Variants in GLS observed in about 807,000 individuals in gnomAD.
GLS encodes the protein glutaminase.
A neutral mutation model predicts 86.7 loss-of-function variants in GLS; 36 were observed. That is an observed-to-expected ratio of 0.42 (90% CI 0.32 to 0.55). GLS has a LOEUF of 0.55. Ranked by LOEUF, GLS falls within the 20% of genes least tolerant of loss-of-function variation. GLS has a pLI of 0.17. For synonymous variants in GLS, 317 were observed against 305.9 expected, an observed-to-expected ratio of 1.04 and a Z score of -0.38; for missense variants, 528 against 833.4, an observed-to-expected ratio of 0.63 and a Z score of 4.51.
rs914032712 is a variant in GLS, at chr2:190,920,926, G to T, written c.1039-98G>T. On this transcript the variant is annotated intron_variant, in intron 7 of 17. Coordinates refer to ENST00000320717, the MANE Select transcript of GLS (RefSeq NM_014905.5). This position sits in a 1 kb window ranked among gnomAD's most constrained non-coding sequence, Gnocchi z 4.2. The stretch of plus-strand genomic sequence containing the variant: ...TCCTAGATTTAAAAATACTAATGCA[G>T]TATATTATAATAGTAGCTTTGAAAT... 5.0e-5 allele frequency: 33 copies of T among 660,582 alleles called. 1 individual carries two copies. The African/African-American group carries it at 5.5e-4, about 11-fold the overall frequency. The allele number at this position is 660,582 out of a possible 1,614,324, so 40.9% of individuals were successfully genotyped here.
chr2:190,935,531 G>C lies in GLS; in HGVS notation c.1650+3894G>C, dbSNP rs1172694931. ...TTTTGGGAGGAGGACTTTTCTTATTGGTTGTACTAGAAGTATTTGAATAAA... is the reference window on the plus strand; with the variant it reads ...TTTTGGGAGGAGGACTTTTCTTATTCGTTGTACTAGAAGTATTTGAATAAA... On this transcript the variant is annotated intron_variant, in intron 14 of 17. Transcript: ENST00000320717. The surrounding 1 kb of genome is among the most constrained non-coding windows in gnomAD (Gnocchi z 4.2). Among the ~76,000 whole-genome samples the C allele has an allele frequency of 6.6e-6, 1 of 150,952 alleles. No individual in the cohort carries two copies. The highest frequency in any genetic ancestry group is 1.5e-5 in the Non-Finnish European group (1 of 67,228).
In GLS at chr2:190,941,724, A is replaced by G. The variant is rs949962187; in HGVS notation, c.1650+10087A>G. ...AGGAAGGAGTTTAGCACATTTGAGA[A>G]GGGGAAAGAAGAAGGCAAATGCGCT... is the stretch of plus-strand genomic sequence containing the variant. On this transcript the variant is annotated intron_variant, in intron 14 of 17. Transcript: ENST00000320717. Among the ~76,000 whole-genome samples, 5 of 21,734 alleles carry G rather than the reference A, an allele frequency of 2.3e-4. 1 individual carries two copies. In the Admixed American group the frequency reaches 2.9e-3, roughly 13 times the overall value. 14.3% of individuals were successfully genotyped at this position (21,734 alleles called of 152,430 possible).
Position 190,962,987 on chromosome 2 carries a change from T to C in GLS, c.*1T>C. The stretch of plus-strand genomic sequence containing the variant: ...TAAGAATCTTGATGGATTGTTGTAA[T>C]GGTCTCAAATCCCAAGATTTAAATC... On this transcript the variant is annotated 3_prime_UTR_variant, in exon 18 of 18. Coordinates refer to ENST00000320717, the MANE Select transcript of GLS (RefSeq NM_014905.5). The surrounding 1 kb of genome is among the most constrained non-coding windows in gnomAD (Gnocchi z 4.2). 1 of 1,583,642 alleles carries C rather than the reference T, an allele frequency of 6.3e-7. No homozygotes were observed. Among genetic ancestry groups the C allele is most frequent in the South Asian group, 1.2e-5 (1 of 85,754 alleles).
intron 7 of GLS, among the ~76,000 whole-genome samples, chr2:190,915,115 C>T (rs989172621): frequency 1.3e-5 from 2 of 151,136 alleles, no homozygotes; most frequent in Non-Finnish European, 2.9e-5. Flanking sequence ...CTCAGCCTCC[C>T]GAGTAGCTGG....
intron 7 of GLS, among the ~76,000 whole-genome samples, chr2:190,918,370 C>T (rs1689614090): frequency 6.6e-6 from 1 of 152,150 alleles, no homozygotes; most frequent in South Asian, 2.1e-4. Flanking sequence ...TTCCTTAAAC[C>T]TCATGAATCA....
chr2:190,892,495 C>A (rs1408839729), intron 1 of GLS, among the ~76,000 whole-genome samples: 1 of 152,114 alleles, frequency 6.6e-6, no homozygotes, highest in African/African-American at 2.4e-5. Flanking sequence ...TTAAATACTT[C>A]TCTCAAGGAT....
intron 6 of GLS, among the ~76,000 whole-genome samples, chr2:190,909,106 T>C (rs1307047705): frequency 6.6e-6 from 1 of 152,188 alleles, no homozygotes; most frequent in African/African-American, 2.4e-5. Context: ...TTGATTGTAA[T>C]AATCAGATAT....
intron 6 of GLS, 147 bp from the exon 7 acceptor site, chr2:190,910,116 C>CTT: frequency 1.9e-6 from 1 of 533,878 alleles, no homozygotes; most frequent in Non-Finnish European, 3.3e-6. Flanking sequence ...TGTGTATGTG[C>CTT]TTGTATATAA....
Position 190,921,232 on chromosome 2 carries a change from G to A in GLS, c.1130+29G>A, listed in dbSNP as rs775123356. ...AGTGTTTTAAATACTGTTTTGTTACGTAAAAACACACAACTGTATTTAGAA... is the reference window on the plus strand; with the variant it reads ...AGTGTTTTAAATACTGTTTTGTTACATAAAAACACACAACTGTATTTAGAA... On this transcript the variant is annotated intron_variant, in intron 9 of 17. Transcript: ENST00000320717. This position sits in a 1 kb window ranked among gnomAD's most constrained non-coding sequence, Gnocchi z 4.2. 25 of 1,373,352 alleles carry A rather than the reference G, an allele frequency of 1.8e-5. No homozygotes were observed. The highest frequency in any genetic ancestry group is 9.2e-5 in the East Asian group (4 of 43,572). 85.1% of individuals were successfully genotyped at this position (1,373,352 alleles called of 1,614,324 possible). A position where few individuals can be genotyped will look rare whatever the true frequency, so the allele number is the denominator to read the frequency against.
In GLS at chr2:190,905,010, T is replaced by C; in HGVS notation, c.822T>C (p.Ser274=). The C allele has an allele frequency of 1.9e-6, 3 of 1,571,852 alleles. No homozygotes were observed. Among genetic ancestry groups the C allele is most frequent in the Non-Finnish European group, 1.7e-6 (2 of 1,143,014 alleles). The part of the protein sequence containing the change: ...SVCTVDGQRH[S]TGDTKVPFCL... Reference sequence around the variant, plus strand: ...AAAATCTCCTTTTAAATAGGCATTCTACTGGAGATACCAAAGTTCCCTTCT... The same window carrying C: ...AAAATCTCCTTTTAAATAGGCATTCCACTGGAGATACCAAAGTTCCCTTCT... Residue 274 remains serine (S), a synonymous_variant, in exon 6 of 18, where the codon TCT becomes TCC. Transcript: ENST00000320717. The surrounding 1 kb of genome is among the most constrained non-coding windows in gnomAD (Gnocchi z 4.6).
In GLS at chr2:190,923,951, T is replaced by C; in HGVS notation, c.1165T>C (p.Phe389Leu). The change falls in exon 10 of 18, where the codon TTT becomes CTT. Residue 389 changes from phenylalanine to leucine, a missense_variant. Coordinates refer to ENST00000320717, the MANE Select transcript of GLS (RefSeq NM_014905.5). Reference protein sequence around the residue: ...QSERESGDRNFAIGYYLKEKK... With the variant: ...QSERESGDRNLAIGYYLKEKK... ...TGAAAGAGAAAGTGGAGATCGAAAT[T>C]TTGCAATAGGATATTACTTAAAAGA... The C allele has an allele frequency of 6.4e-7, 1 of 1,562,362 alleles. No homozygotes were observed. Among genetic ancestry groups the C allele is most frequent in the Non-Finnish European group, 8.8e-7 (1 of 1,140,042 alleles).
Position 190,895,479 on chromosome 2 carries a change from A to G in GLS, c.484-125A>G, listed in dbSNP as rs1162798227. 1.5e-6 allele frequency: 1 copy of G among 649,378 alleles called. No homozygotes were observed. The highest frequency in any genetic ancestry group is 2.6e-6 in the Non-Finnish European group (1 of 385,610). The allele number at this position is 649,378 out of a possible 1,614,324, so 40.2% of individuals were successfully genotyped here. A position where few individuals can be genotyped will look rare whatever the true frequency, so the allele number is the denominator to read the frequency against. On this transcript the variant is annotated intron_variant, in intron 2 of 17. Coordinates refer to ENST00000320717, the MANE Select transcript of GLS (RefSeq NM_014905.5). This position sits in a 1 kb window ranked among gnomAD's most constrained non-coding sequence, Gnocchi z 4.2. Reference sequence around the variant, plus strand: ...GAAAGTGGGTAATAGTGACACTAAGATGCCATATTCATGTTCAAGTGTTGG... The same window carrying G: ...GAAAGTGGGTAATAGTGACACTAAGGTGCCATATTCATGTTCAAGTGTTGG...
Position 190,880,917 on chromosome 2 carries a change from A to AGCAGCAGCAGCAGCAGCACCC in GLS, c.-165_-164insGCAGCAGCAGCAGCACCCGCA. On this transcript the variant is annotated 5_prime_UTR_variant, in exon 1 of 18. Transcript: ENST00000320717. Reference sequence around the variant, plus strand: ...CAGCAGCAGCAGCAGCAGCAGCAGCAGCACCCGCATCCGCTGCGGGAGTCC... The same window carrying AGCAGCAGCAGCAGCAGCACCC: ...CAGCAGCAGCAGCAGCAGCAGCAGCAGCAGCAGCAGCAGCAGCACCCGCACCCGCATCCGCTGCGGGAGTCC... 5.7e-6 allele frequency: 5 copies of AGCAGCAGCAGCAGCAGCACCC among 883,310 alleles called. No individual in the cohort carries two copies. The highest frequency in any genetic ancestry group is 8.6e-6 in the Non-Finnish European group (5 of 584,242). 54.7% of individuals were successfully genotyped at this position (883,310 alleles called of 1,614,324 possible). A position where few individuals can be genotyped will look rare whatever the true frequency, so the allele number is the denominator to read the frequency against.
intron 14 of GLS, among the ~76,000 whole-genome samples, chr2:190,946,791 T>G (rs1007173861): frequency 4.6e-5 from 7 of 152,186 alleles, no homozygotes; most frequent in African/African-American, 1.4e-4. Context: ...AATTGATATT[T>G]AATCCGTTGG....
rs73979308 is a variant in GLS at position 190,952,459 on chromosome 2, C to G, written c.1651-1106C>G. On this transcript the variant is annotated intron_variant, in intron 14 of 17. Transcript: ENST00000320717. ...ATCCTTATTTTCATGGGCCATCTTA[C>G]GGACTAGTTTCTGCAAATTACACTT... 2.8e-3 allele frequency among the ~76,000 whole-genome samples: 429 copies of G among 152,228 alleles called. 2 individuals are homozygous for G. The highest frequency in any genetic ancestry group is 9.5e-3 in the African/African-American group (394 of 41,530).
intron 1 of GLS, among the ~76,000 whole-genome samples, chr2:190,882,901 G>T (rs1303223663): frequency 6.6e-6 from 1 of 152,036 alleles, no homozygotes; most frequent in African/African-American, 2.4e-5. Context: ...ATCTCATCTG[G>T]GACTCACTTT....
chr2:190,928,708 C>G (rs922564777), intron 12 of GLS, among the ~76,000 whole-genome samples: 7 of 136,424 alleles, frequency 5.1e-5, no homozygotes, highest in African/African-American at 1.9e-4. Context: ...GTTTTGTCTC[C>G]TTTTTTTTTT....
Position 190,930,405 on chromosome 2 carries a change from A to G in GLS, c.1426-32A>G. ...TAACATTTCTTATTTTAAAATGTTT[A>G]CCTGAATACTCTTTTACTGAATTAT... On this transcript the variant is annotated intron_variant, in intron 12 of 17. Coordinates refer to ENST00000320717, the MANE Select transcript of GLS (RefSeq NM_014905.5). This position sits in a 1 kb window ranked among gnomAD's most constrained non-coding sequence, Gnocchi z 5.0. The G allele has an allele frequency of 6.6e-7, 1 of 1,518,858 alleles. No homozygotes were observed. The highest frequency in any genetic ancestry group is 1.1e-5 in the South Asian group (1 of 88,666). The allele number at this position is 1,518,858 out of a possible 1,614,324, so 94.1% of individuals were successfully genotyped here. A position where few individuals can be genotyped will look rare whatever the true frequency, so the allele number is the denominator to read the frequency against.
intron 6 of GLS, among the ~76,000 whole-genome samples, chr2:190,907,355 T>G (rs552761559): frequency 1.3e-5 from 2 of 152,074 alleles, no homozygotes; most frequent in East Asian, 3.9e-4. Flanking sequence ...CCTCCCGGGT[T>G]CAAGCGATTC....
Sources: allele counts gnomAD v4.1 joint callset (sites outside exome capture counted in the v4.1 genomes callset), GRCh38; gene constraint gnomAD v4.1.1; non-coding constraint Gnocchi (gnomAD v3.1); transcripts MANE v1.5; gene names NCBI Gene and HGNC (gene_info 2026-07-23, HGNC 2026-07-21).